RXRA: variants seen among roughly 807,000 people sequenced by gnomAD.
The protein encoded by RXRA is retinoic acid receptor RXR-alpha.
A neutral mutation model predicts 44.5 loss-of-function variants in RXRA; 5 were observed. That is an observed-to-expected ratio of 0.11 (90% CI 0.06 to 0.24). RXRA has a LOEUF of 0.24. Ranked by LOEUF, RXRA falls within the 10% of genes least tolerant of loss-of-function variation. RXRA has a pLI of 1.00. For missense variants in RXRA, 412 were observed against 646.5 expected (o/e 0.64, Z 3.93); for synonymous variants, 291 against 271.4 (o/e 1.07, Z -0.71).
In RXRA at chr9:134,428,972, C is replaced by T. The variant is rs35795557; in HGVS notation, c.911-136C>T. ...GGAACCTCTTTTCTGTGGAACACTT[C>T]ATGGGATTGGGGTTCCAGAGCCTGT... is the stretch of plus-strand genomic sequence containing the variant. On this transcript the variant is annotated intron_variant, in intron 6 of 9. Transcript: ENST00000481739. 3.7e-3 allele frequency: 3,910 copies of T among 1,050,712 alleles called. 90 individuals are homozygous for T. The African/African-American group carries it at 0.052, about 14-fold the overall frequency. The allele number at this position is 1,050,712 out of a possible 1,614,324, so 65.1% of individuals were successfully genotyped here. A position where few individuals can be genotyped will look rare whatever the true frequency, so the allele number is the denominator to read the frequency against.
At chr9:134,423,061 AG>A in intron 6 of RXRA, 1 of 985,456 alleles carries the variant, frequency 1.0e-6, no homozygotes. Context: ...TTTTGGGGTC[AG>A]GTTGGCAGTG....
intron 1 of RXRA, among the ~76,000 whole-genome samples, chr9:134,380,418 G>A (rs1830625813): frequency 6.6e-6 from 1 of 152,066 alleles, no homozygotes; most frequent in African/African-American, 2.4e-5. Context: ...GATAGGGGCT[G>A]GGGTGGCCAT....
At chr9:134,382,936 G>T (rs1299219802) in intron 1 of RXRA, among the ~76,000 whole-genome samples, 1 of 152,206 alleles carries the variant, frequency 6.6e-6, no homozygotes, top group Non-Finnish European at 1.5e-5. Context: ...GTAGCTTCGG[G>T]CTGTCTGGAC....
intron 6 of RXRA, chr9:134,425,937 C>G: frequency 5.1e-6 from 5 of 985,414 alleles, no homozygotes; most frequent in Non-Finnish European, 4.8e-6. Flanking sequence ...AGGAACGTGG[C>G]TGAGCCAGGT....
At chr9:134,328,963 C>T (rs1834958357) in intron 1 of RXRA, among the ~76,000 whole-genome samples, 1 of 152,224 alleles carries the variant, frequency 6.6e-6, no homozygotes, top group Non-Finnish European at 1.5e-5. Context: ...GGCCGAGGGA[C>T]TCGCCAGAGG....
chr9:134,384,755 C>G (rs1830694473), intron 1 of RXRA, among the ~76,000 whole-genome samples: 1 of 152,142 alleles, frequency 6.6e-6, no homozygotes, highest in Non-Finnish European at 1.5e-5. Flanking sequence ...CCCTCTGTGT[C>G]CCACCTGCTG....
intron 9 of RXRA, among the ~76,000 whole-genome samples, 160 bp from the exon 10 acceptor site, chr9:134,436,307 C>G (rs542268404): frequency 9.2e-5 from 14 of 152,348 alleles, no homozygotes; most frequent in African/African-American, 3.4e-4. Context: ...AGCCTCCCCT[C>G]CTTCCTTCTG....
At chr9:134,401,502 C>A in intron 1 of RXRA, 130 bp from the exon 2 acceptor site, 4 of 1,463,548 alleles carry the variant, frequency 2.7e-6, no homozygotes, top group Non-Finnish European at 3.7e-6. Context: ...CTGTCGAGAC[C>A]CACGGGGCCA....
intron 1 of RXRA, among the ~76,000 whole-genome samples, chr9:134,358,795 G>A (rs563601601): frequency 1.3e-5 from 2 of 152,334 alleles, no homozygotes; most frequent in East Asian, 1.9e-4. Flanking sequence ...CTTTGGGAAC[G>A]TTGGCAGGTC....
chr9:134,425,128 G>A (rs1831411375), intron 6 of RXRA: 1 of 985,224 alleles, frequency 1.0e-6, no homozygotes, highest in Non-Finnish European at 1.2e-6. Context: ...GTGGCTCGCG[G>A]TGACACTGAG....
At chr9:134,408,353 C>T (rs969501988) in intron 3 of RXRA, 54 bp downstream of exon 3, 42 of 1,546,174 alleles carry the variant, frequency 2.7e-5, no homozygotes, top group Non-Finnish European at 3.5e-5. Flanking sequence ...CAGGCCATTG[C>T]AGGGTCTGGA....
rs1588297797 is a variant in RXRA, at chr9:134,414,494, G to A, written c.611-2664G>A. Among the ~76,000 whole-genome samples the A allele has an allele frequency of 2.6e-5, 4 of 152,388 alleles. No individual in the cohort carries two copies. In the South Asian group the frequency reaches 8.3e-4, roughly 32 times the overall value. Reference sequence around the variant, plus strand: ...TCATTTTCATCTTACGGATGAGGGAGCCGAGGCACAGAGAGGTCAGGGGAC... The same window carrying A: ...TCATTTTCATCTTACGGATGAGGGAACCGAGGCACAGAGAGGTCAGGGGAC... On this transcript the variant is annotated intron_variant, in intron 4 of 9. Coordinates refer to ENST00000481739, the MANE Select transcript of RXRA (RefSeq NM_002957.6).
chr9:134,408,429 G>T lies in RXRA; in HGVS notation c.430+130G>T, dbSNP rs200348558. Reference sequence around the variant, plus strand: ...AAGGCCAGGGTGCAGGGAGGCAGGTGCCTGGGCCATGCCCCACTCCCAGGG... The same window carrying T: ...AAGGCCAGGGTGCAGGGAGGCAGGTTCCTGGGCCATGCCCCACTCCCAGGG... On this transcript the variant is annotated intron_variant, in intron 3 of 9. Coordinates refer to ENST00000481739, the MANE Select transcript of RXRA (RefSeq NM_002957.6). 3.7e-5 allele frequency: 36 copies of T among 985,854 alleles called. No homozygotes were observed. In the East Asian group the frequency reaches 1.1e-3, roughly 29 times the overall value. 61.1% of individuals were successfully genotyped at this position (985,854 alleles called of 1,614,324 possible).
chr9:134,369,011 TGTG>T (rs1272652711), intron 1 of RXRA, among the ~76,000 whole-genome samples: 13 of 51,184 alleles, frequency 2.5e-4, no homozygotes, highest in African/African-American at 1.5e-3. Context: ...TGTGTGTGTG[TGTG>T]GGGGGGGTTA....
chr9:134,368,931 G>C (rs111162590), intron 1 of RXRA, among the ~76,000 whole-genome samples: 477 of 40,166 alleles, frequency 0.012, no homozygotes, highest in Non-Finnish European at 0.013. Context: ...GTGTGAGTGC[G>C]GGGGTTATGT....
chr9:134,342,364 C>CTCAGAG lies in RXRA; in HGVS notation c.28+15706_28+15711dup, dbSNP rs1434670041. On this transcript the variant is annotated intron_variant, in intron 1 of 9. Coordinates refer to ENST00000481739, the MANE Select transcript of RXRA (RefSeq NM_002957.6). The surrounding 1 kb of genome is among the most constrained non-coding windows in gnomAD (Gnocchi z 4.4). ...CCCTCATTTACAGAGGGGGCCTGGG[C>CTCAGAG]TCAGAGAGGCTGAGCCGATCTTCAA... is the stretch of plus-strand genomic sequence containing the variant. 6.6e-6 allele frequency among the ~76,000 whole-genome samples: 1 copy of CTCAGAG among 152,176 alleles called. No homozygotes were observed.
At chr9:134,369,504 G>A (rs1444961567) in intron 1 of RXRA, among the ~76,000 whole-genome samples, 2 of 126,968 alleles carry the variant, frequency 1.6e-5, no homozygotes, top group Admixed American at 1.7e-4. Context: ...GAGAGTGCGG[G>A]GGTTGTCTGC....
chr9:134,383,710 T>C (rs1317197675), intron 1 of RXRA, among the ~76,000 whole-genome samples: 1 of 152,110 alleles, frequency 6.6e-6, no homozygotes, highest in Non-Finnish European at 1.5e-5. Flanking sequence ...CATGGTGGCA[T>C]GGTGTGCCTC....
At chr9:134,355,908 C>T (rs1188141408) in intron 1 of RXRA, among the ~76,000 whole-genome samples, 1 of 152,062 alleles carries the variant, frequency 6.6e-6, no homozygotes, top group East Asian at 1.9e-4. Context: ...TTGAGGAGGT[C>T]AGGGTCTGCG....
Sources: gnomAD v4.1 joint callset for allele counts (sites outside exome capture counted in the v4.1 genomes callset) on GRCh38, gnomAD v4.1.1 for gene constraint, Gnocchi (gnomAD v3.1) non-coding constraint, MANE v1.5 for transcripts, NCBI Gene and HGNC (gene_info 2026-07-23, HGNC 2026-07-21) for gene names.